The following CENPP variants were observed in gnomAD, a reference collection of about 807,000 sequenced individuals.
CENPP encodes the protein centromere protein P.
A neutral mutation model predicts 35.6 loss-of-function variants in CENPP; 24 were observed. The ratio of observed to expected loss-of-function variants is 0.67; its 90% CI spans 0.49 to 0.95. The LOEUF is 0.95. Ranked by LOEUF, CENPP falls within the 40% of genes least tolerant of loss-of-function variation. CENPP has a pLI of 0.00. For synonymous variants in CENPP, 120 were observed against 125.5 expected (o/e 0.96, Z 0.29); for missense variants, 332 against 345.3 (o/e 0.96, Z 0.31).
intron 4 of CENPP, among the ~76,000 whole-genome samples, chr9:92,370,399 A>T (rs1841980961): frequency 6.6e-6 from 1 of 152,136 alleles, no homozygotes; most frequent in Admixed American, 6.5e-5. Context: ...GATAAATATT[A>T]GTTCTTCTAT....
chr9:92,402,489 G>A (rs550949455), intron 5 of CENPP, among the ~76,000 whole-genome samples: 10 of 152,228 alleles, frequency 6.6e-5, no homozygotes, highest in Non-Finnish European at 1.0e-4. Context: ...CATACATAGT[G>A]GGCAACAGAT....
chr9:92,584,588 A>G (rs1352464966), intron 5 of CENPP, among the ~76,000 whole-genome samples: 1 of 151,918 alleles, frequency 6.6e-6, no homozygotes, highest in African/African-American at 2.4e-5. Context: ...CCACCCTCCC[A>G]CCTCAGCCTC....
intron 4 of CENPP, among the ~76,000 whole-genome samples, chr9:92,366,130 A>G (rs1841882611): frequency 6.6e-6 from 1 of 150,768 alleles, no homozygotes; most frequent in African/African-American, 2.4e-5. Flanking sequence ...CAGTGAGCCA[A>G]GACGGCGCCA....
chr9:92,462,631 T>C (rs1845157675), intron 5 of CENPP, among the ~76,000 whole-genome samples: 1 of 152,248 alleles, frequency 6.6e-6, no homozygotes, highest in Non-Finnish European at 1.5e-5. Context: ...AATAATAGTT[T>C]CCATGACTGA....
intron 4 of CENPP, among the ~76,000 whole-genome samples, chr9:92,353,170 C>A (rs1462618082): frequency 3.9e-5 from 6 of 152,276 alleles, no homozygotes; most frequent in African/African-American, 1.4e-4. Context: ...AAAGTACTTT[C>A]TTAGTGCAAG....
intron 5 of CENPP, among the ~76,000 whole-genome samples, chr9:92,526,054 C>T (rs926815224): frequency 9.2e-5 from 14 of 152,080 alleles, no homozygotes; most frequent in South Asian, 2.1e-4. Flanking sequence ...ACATTAACTG[C>T]GCAACAGCCT....
Position 92,488,401 on chromosome 9 carries a change from G to A in CENPP, c.564+108542G>A, listed in dbSNP as rs1588173489. ...GTTAATTAAGATGTTACGTTAGACA[G>A]GGATTCTTAACTTGGGTATATGAAT... On this transcript the variant is annotated intron_variant, in intron 5 of 7. Transcript: ENST00000375587. Among the ~76,000 whole-genome samples, 9 of 152,170 alleles carry A rather than the reference G, an allele frequency of 5.9e-5. No individual in the cohort carries two copies. In the South Asian group the frequency reaches 1.9e-3, roughly 32 times the overall value.
rs547668403 is a variant in CENPP at position 92,554,887 on chromosome 9, C to T, written c.565-56427C>T. 4.8e-4 allele frequency among the ~76,000 whole-genome samples: 73 copies of T among 152,260 alleles called. 1 individual carries two copies. Among genetic ancestry groups the T allele is most frequent in the African/African-American group, 1.6e-3 (67 of 41,542 alleles). Reference sequence around the variant, plus strand: ...TCCTGACCTCGTGATCCATCCGCCTCGGCCTCCCAAAGTGCTGAGATTACA... The same window carrying T: ...TCCTGACCTCGTGATCCATCCGCCTTGGCCTCCCAAAGTGCTGAGATTACA... On this transcript the variant is annotated intron_variant, in intron 5 of 7. Coordinates refer to ENST00000375587, the MANE Select transcript of CENPP (RefSeq NM_001012267.3).
Position 92,476,377 on chromosome 9 carries a change from A to G in CENPP, c.564+96518A>G, listed in dbSNP as rs1419385897. On this transcript the variant is annotated intron_variant, in intron 5 of 7. Transcript: ENST00000375587. The surrounding 1 kb of genome is among the most constrained non-coding windows in gnomAD (Gnocchi z 4.1). ...GAATGAATTCATTAACTTAATAAAT[A>G]TCTTCATTTATATATGGTATGTCTT... is the stretch of plus-strand genomic sequence containing the variant. 2.0e-5 allele frequency among the ~76,000 whole-genome samples: 3 copies of G among 152,190 alleles called. No homozygotes were observed. Among genetic ancestry groups the G allele is most frequent in the Non-Finnish European group, 2.9e-5 (2 of 68,034 alleles).
intron 4 of CENPP, among the ~76,000 whole-genome samples, chr9:92,373,552 G>A (rs1842056709): frequency 6.6e-6 from 1 of 152,164 alleles, no homozygotes; most frequent in East Asian, 1.9e-4. Context: ...TTGAGGCCAG[G>A]CATGGTGGCT....
At position 92,618,180 on chromosome 9, in the gene CENPP, T is replaced by C. The variant is rs2131413021; in HGVS notation, c.*5031T>C. On this transcript the variant is annotated 3_prime_UTR_variant, in exon 8 of 8. Transcript: ENST00000375587. ...CCATGTTCTCGGAGGAGAAGCCTTC[T>C]CTGAGATCCTCTCCTTTTGTTGAGA... 1 of 454,636 alleles carries C rather than the reference T, an allele frequency of 2.2e-6. No homozygotes were observed. The highest frequency in any genetic ancestry group is 2.0e-5 in the African/African-American group (1 of 50,122). The allele number at this position is 454,636 out of a possible 1,614,324, so 28.2% of individuals were successfully genotyped here.
intron 5 of CENPP, among the ~76,000 whole-genome samples, chr9:92,416,087 TTTATTTA>T (rs1471100764): frequency 4.2e-5 from 6 of 143,924 alleles, no homozygotes; most frequent in South Asian, 2.2e-4. Context: ...TATTTATTTA[TTTATTTA>T]TTTATTTTAT....
intron 5 of CENPP, chr9:92,403,438 A>C: frequency 1.9e-6 from 3 of 1,587,118 alleles, no homozygotes; most frequent in Non-Finnish European, 2.6e-6. Context: ...CTGGAAGTTA[A>C]TAAACTAGTG....
intron 5 of CENPP, chr9:92,496,577 T>G: frequency 6.7e-7 from 1 of 1,487,386 alleles, no homozygotes; most frequent in South Asian, 1.3e-5. Flanking sequence ...ATTTTGTTCT[T>G]AAAATAAAGT....
At chr9:92,548,504 C>T (rs1849520915) in intron 5 of CENPP, among the ~76,000 whole-genome samples, 1 of 152,052 alleles carries the variant, frequency 6.6e-6, no homozygotes, top group African/African-American at 2.4e-5. Context: ...TTTTCTACAA[C>T]ACAAATGTAG....
intron 5 of CENPP, among the ~76,000 whole-genome samples, chr9:92,533,224 C>T (rs563595227): frequency 2.9e-5 from 4 of 136,436 alleles, no homozygotes; most frequent in East Asian, 2.3e-4. Flanking sequence ...CACTTGAACC[C>T]GGGAGGTGGA....
rs1374857222 is a variant in CENPP at position 92,502,547 on chromosome 9, T to G, written c.565-108767T>G. On this transcript the variant is annotated intron_variant, in intron 5 of 7. Coordinates refer to ENST00000375587, the MANE Select transcript of CENPP (RefSeq NM_001012267.3). The stretch of plus-strand genomic sequence containing the variant: ...ATCCAGGCTAAAGGAGCAATCCTAT[T>G]TTCTTCAATTTTGTTATAACGTAGT... 4 of 1,612,902 alleles carry G rather than the reference T, an allele frequency of 2.5e-6. No individual in the cohort carries two copies. The South Asian group carries it at 4.4e-5, about 18-fold the overall frequency.
chr9:92,360,396 C>A (rs1038283684), intron 4 of CENPP, among the ~76,000 whole-genome samples: 12 of 152,144 alleles, frequency 7.9e-5, no homozygotes, highest in Non-Finnish European at 2.9e-5. Context: ...AAGACCCTAT[C>A]TCTACAAAAA....
At chr9:92,532,015 G>GTTTTTTTTTTTGTT (rs1848801440) in intron 5 of CENPP, among the ~76,000 whole-genome samples, 4 of 95,736 alleles carry the variant, frequency 4.2e-5, no homozygotes, top group African/African-American at 2.4e-4. Flanking sequence ...TTTATTTAAT[G>GTTTTTTTTTTTGTT]TTTTTTTTTT....
Sources: gnomAD v4.1 joint callset for allele counts (sites outside exome capture counted in the v4.1 genomes callset) on GRCh38, gnomAD v4.1.1 for gene constraint, Gnocchi (gnomAD v3.1) non-coding constraint, MANE v1.5 for transcripts, NCBI Gene and HGNC (gene_info 2026-07-23, HGNC 2026-07-21) for gene names.